The following DUSP12 variants were observed in gnomAD, a reference collection of about 807,000 sequenced individuals.
DUSP12 encodes dual specificity protein phosphatase 12.
A neutral mutation model predicts 38.9 loss-of-function variants in DUSP12; 25 were observed. The observed-to-expected ratio is 0.64, with a 90% CI of 0.47 to 0.90. The LOEUF (loss-of-function observed/expected upper bound fraction) is 0.90, where lower values mean the gene tolerates loss of function less well. Among genes scored for constraint, DUSP12 ranks in the 40% least tolerant of loss-of-function variants. The pLI, the probability that DUSP12 is intolerant of heterozygous loss-of-function variation, is 0.00. For missense variants in DUSP12, 403 were observed against 427.0 expected, an observed-to-expected ratio of 0.94 and a Z score of 0.50; for synonymous variants, 153 against 153.9, an observed-to-expected ratio of 0.99 and a Z score of 0.05.
At chr1:161,751,440 A>T in intron 1 of DUSP12, 1 of 458,982 alleles carries the variant, frequency 2.2e-6, no homozygotes, top group Non-Finnish European at 3.7e-6. Flanking sequence ...AATTTTAAAA[A>T]TTACTGTTAT....
rs566792417 is a variant in DUSP12 at position 161,756,576 on chromosome 1, A to G, written c.862-210A>G. ...TCTCAAGCTTCACTTTTCTCCCTTC[A>G]AGCTCCCTGAATACAACATTCTTCC... On this transcript the variant is annotated intron_variant, in intron 5 of 5. Transcript: ENST00000367943. Among the ~76,000 whole-genome samples, 4 of 148,380 alleles carry G rather than the reference A, an allele frequency of 2.7e-5. No individual in the cohort carries two copies. In the South Asian group the frequency reaches 8.6e-4, roughly 32 times the overall value.
chr1:161,751,785 G>A lies in DUSP12; in HGVS notation c.458+4G>A. On this transcript the variant is annotated splice_donor_region_variant and intron_variant, in intron 2 of 5. Transcript: ENST00000367943. ...AGATTCTCAAACCAGAGGCTAAGTG[G>A]GTTCTTTTTTTATAGTAATAATTAT... 6.2e-7 allele frequency: 1 copy of A among 1,604,576 alleles called. No individual in the cohort carries two copies. Among genetic ancestry groups the A allele is most frequent in the Non-Finnish European group, 8.5e-7 (1 of 1,177,640 alleles).
At position 161,750,021 on chromosome 1, in the gene DUSP12, G is replaced by A. The variant is rs138443680; in HGVS notation, c.220G>A (p.Asp74Asn). ...PSFKAGPGVE[D>N]LWRLFVPALD... ...CTTCAAGGCGGGGCCTGGGGTCGAG[G>A]ATCTATGGCGCCTCTTCGTGCCAGC... The change falls in exon 1 of 6, where the codon GAT (aspartate) becomes AAT (asparagine). Residue 74 changes from aspartate to asparagine, a missense_variant. Coordinates refer to ENST00000367943, the MANE Select transcript of DUSP12 (RefSeq NM_007240.3). 1.9e-6 allele frequency: 3 copies of A among 1,613,954 alleles called. No homozygotes were observed. In the African/African-American group the frequency reaches 4.0e-5, roughly 22 times the overall value.
Position 161,752,444 on chromosome 1 carries a change from C to T in DUSP12, c.654C>T (p.Leu218=). The T allele has an allele frequency of 6.2e-7, 1 of 1,611,498 alleles. No individual in the cohort carries two copies. The change falls in exon 4 of 6, where the codon CTC becomes CTT. Residue 218 remains leucine, a synonymous_variant. Coordinates refer to ENST00000367943, the MANE Select transcript of DUSP12 (RefSeq NM_007240.3). ...CACAAGGATTGAAAGATGAGGTTCTCTACAAGTGTAGAAAGTGCAGGTAAA... is the reference window on the plus strand; with the variant it reads ...CACAAGGATTGAAAGATGAGGTTCTTTACAAGTGTAGAAAGTGCAGGTAAA... ...TVSQGLKDEV[L]YKCRKCRRSL...
In DUSP12 at chr1:161,750,055, A is replaced by G. The variant is rs1475016047; in HGVS notation, c.254A>G (p.Lys85Arg). 2.5e-6 allele frequency: 4 copies of G among 1,613,940 alleles called. No individual in the cohort carries two copies. The highest frequency in any genetic ancestry group is 3.4e-6 in the Non-Finnish European group (4 of 1,179,956). The part of the protein sequence containing the change: ...LWRLFVPALD[K>R]PETDLLSHLD... ...CGCCTCTTCGTGCCAGCGCTGGACA[A>G]ACCCGAGACGGACCTACTCAGCCAT... The change falls in exon 1 of 6, where the codon AAA (lysine) becomes AGA (arginine). Residue 85 changes from lysine (K) to arginine (R), a missense_variant. Transcript: ENST00000367943.
intron 5 of DUSP12, among the ~76,000 whole-genome samples, chr1:161,754,805 C>T (rs976585020): frequency 6.6e-6 from 1 of 152,100 alleles, no homozygotes; most frequent in Admixed American, 6.6e-5. Flanking sequence ...CAAACCGTAT[C>T]ACATCACAAT....
In DUSP12 at chr1:161,757,019, C is replaced by A; in HGVS notation, c.*72C>A. Reference sequence around the variant, plus strand: ...TGCCTTTGCTTCTTATCATTCATGGCAGATTGTTTGTGCTTTCAACATTTC... The same window carrying A: ...TGCCTTTGCTTCTTATCATTCATGGAAGATTGTTTGTGCTTTCAACATTTC... On this transcript the variant is annotated 3_prime_UTR_variant, in exon 6 of 6. Coordinates refer to ENST00000367943, the MANE Select transcript of DUSP12 (RefSeq NM_007240.3). The A allele has an allele frequency of 7.1e-7, 1 of 1,414,414 alleles. No individual in the cohort carries two copies. Among genetic ancestry groups the A allele is most frequent in the Admixed American group, 2.1e-5 (1 of 46,958 alleles). 87.6% of individuals were successfully genotyped at this position (1,414,414 alleles called of 1,614,324 possible). A position where few individuals can be genotyped will look rare whatever the true frequency, so the allele number is the denominator to read the frequency against.
chr1:161,755,713 C>T (rs766064391), intron 5 of DUSP12, among the ~76,000 whole-genome samples: 1 of 152,138 alleles, frequency 6.6e-6, no homozygotes, highest in South Asian at 2.1e-4. Flanking sequence ...TGTAGGACCT[C>T]TATATATTCT....
At chr1:161,752,879 A>T (rs939125030) in intron 4 of DUSP12, among the ~76,000 whole-genome samples, 196 bp from the exon 5 acceptor site, 8 of 151,868 alleles carry the variant, frequency 5.3e-5, no homozygotes, top group African/African-American at 1.9e-4. Flanking sequence ...AATCCCAGCT[A>T]CTCAGGAGGC....
rs758193610 is a variant in DUSP12, at chr1:161,753,077, G to A, written c.677G>A (p.Arg226Gln). 20 of 1,599,060 alleles carry A rather than the reference G, an allele frequency of 1.3e-5. No individual in the cohort carries two copies. Among genetic ancestry groups the A allele is most frequent in the South Asian group, 1.0e-4 (9 of 88,984 alleles). The change falls in exon 5 of 6, where the codon CGA (arginine) becomes CAA (glutamine). Residue 226 changes from arginine (R) to glutamine (Q), a missense_variant and splice_region_variant. By Grantham distance (43) the Arg-to-Gln change is conservative (BLOSUM62 1). Transcript: ENST00000367943. ...TTTTGTTTGTTTGGGGGTTGCAGGC[G>A]ATCATTATTTCGAAGTTCTAGTATT... ...EVLYKCRKCR[R>Q]SLFRSSSILD...
chr1:161,755,737 T>C (rs1165446178), intron 5 of DUSP12, among the ~76,000 whole-genome samples: 2 of 152,246 alleles, frequency 1.3e-5, no homozygotes, highest in East Asian at 3.8e-4. Context: ...TGTTAATAGT[T>C]CATCTAATAT....
At position 161,751,937 on chromosome 1, in the gene DUSP12, C is replaced by T. The variant is rs1409343585; in HGVS notation, c.530C>T (p.Ala177Val). Residue 177 changes from alanine (A) to valine (V), a missense_variant, in exon 3 of 6, where the codon GCA (alanine) becomes GTA (valine). Coordinates refer to ENST00000367943, the MANE Select transcript of DUSP12 (RefSeq NM_007240.3). ...GGATACGAAGTGGATACCTCTAGTG[C>T]AATTTATAAGCAATATCGTTTACAA... ...AMGYEVDTSSAIYKQYRLQKV... is the reference protein window; with the variant it reads ...AMGYEVDTSSVIYKQYRLQKV... 2 of 1,612,816 alleles carry T rather than the reference C, an allele frequency of 1.2e-6. No individual in the cohort carries two copies. Among genetic ancestry groups the T allele is most frequent in the Non-Finnish European group, 1.7e-6 (2 of 1,179,480 alleles).
intron 1 of DUSP12, among the ~76,000 whole-genome samples, chr1:161,750,367 C>T (rs1489026236): frequency 1.3e-5 from 2 of 152,196 alleles, no homozygotes; most frequent in African/African-American, 4.8e-5. Flanking sequence ...GTTGGTTCTT[C>T]CTGCAGCAGC....
chr1:161,753,535 C>G (rs983689540), intron 5 of DUSP12: 2 of 197,306 alleles, frequency 1.0e-5, no homozygotes, highest in African/African-American at 2.3e-5. Flanking sequence ...AAATATAAGA[C>G]TAACATTTAT....
intron 5 of DUSP12, among the ~76,000 whole-genome samples, chr1:161,754,734 C>T (rs1684084697): frequency 6.6e-6 from 1 of 152,194 alleles, no homozygotes; most frequent in Admixed American, 6.5e-5. Context: ...ATCCAATCAC[C>T]TCTCTTCTTC....
In DUSP12 at chr1:161,749,909, C is replaced by T. The variant is rs138579064; in HGVS notation, c.108C>T (p.Phe36=). 6.2e-7 allele frequency: 1 copy of T among 1,613,646 alleles called. No individual in the cohort carries two copies. Among genetic ancestry groups the T allele is most frequent in the Non-Finnish European group, 8.5e-7 (1 of 1,179,790 alleles). ...TGGAAGTGCAGCCAGGATTGTATTTCGGTGGGGCCGCGGCCGTCGCGGAGC... is the reference window on the plus strand; with the variant it reads ...TGGAAGTGCAGCCAGGATTGTATTTTGGTGGGGCCGCGGCCGTCGCGGAGC... The part of the protein sequence containing the change: ...QMLEVQPGLY[F]GGAAAVAEPD... The change falls in exon 1 of 6, where the codon TTC becomes TTT. Residue 36 remains phenylalanine, a synonymous_variant. Coordinates refer to ENST00000367943, the MANE Select transcript of DUSP12 (RefSeq NM_007240.3).
At position 161,756,969 on chromosome 1, in the gene DUSP12, G is replaced by A; in HGVS notation, c.*22G>A. The A allele has an allele frequency of 6.2e-7, 1 of 1,604,754 alleles. No individual in the cohort carries two copies. The highest frequency in any genetic ancestry group is 2.2e-5 in the East Asian group (1 of 44,738). On this transcript the variant is annotated 3_prime_UTR_variant, in exon 6 of 6. Transcript: ENST00000367943. ...ATGAACATGATATTTTATAGCTTGG[G>A]AAGAAACTTGCAGATGATATGTGCT...
rs562681336 is a variant in DUSP12, at chr1:161,752,614, A to T, written c.674+150A>T. 2.2e-5 allele frequency: 13 copies of T among 600,088 alleles called. No individual in the cohort carries two copies. In the East Asian group the frequency reaches 3.6e-4, roughly 17 times the overall value. 37.2% of individuals were successfully genotyped at this position (600,088 alleles called of 1,614,324 possible). A position where few individuals can be genotyped will look rare whatever the true frequency, so the allele number is the denominator to read the frequency against. On this transcript the variant is annotated intron_variant, in intron 4 of 5. Coordinates refer to ENST00000367943, the MANE Select transcript of DUSP12 (RefSeq NM_007240.3). ...TTTTCAGAAAGAATATAAATTCTTA[A>T]AAAGAGAAATAATCAGATTGTAAGG...
chr1:161,752,429 G>T lies in DUSP12; in HGVS notation c.639G>T (p.Leu213Phe). 6.2e-7 allele frequency: 1 copy of T among 1,612,750 alleles called. No individual in the cohort carries two copies. Among genetic ancestry groups the T allele is most frequent in the East Asian group, 2.2e-5 (1 of 44,844 alleles). Reference sequence around the variant, plus strand: ...ACCCAACTACCGTTTCACAAGGATTGAAAGATGAGGTTCTCTACAAGTGTA... The same window carrying T: ...ACCCAACTACCGTTTCACAAGGATTTAAAGATGAGGTTCTCTACAAGTGTA... The part of the protein sequence containing the change: ...AVDPTTVSQG[L>F]KDEVLYKCRK... The change falls in exon 4 of 6, where the codon TTG becomes TTT. Residue 213 changes from leucine to phenylalanine, a missense_variant. Physicochemically the swap from Leu to Phe is conservative, Grantham distance 22 (BLOSUM62 0). Coordinates refer to ENST00000367943, the MANE Select transcript of DUSP12 (RefSeq NM_007240.3).
Sources: allele counts gnomAD v4.1 joint callset (sites outside exome capture counted in the v4.1 genomes callset), GRCh38; gene constraint gnomAD v4.1.1; transcripts MANE v1.5; gene names NCBI Gene and HGNC (gene_info 2026-07-23, HGNC 2026-07-21).